LIN7A: variants seen among roughly 807,000 people sequenced by gnomAD.
LIN7A encodes the protein lin-7 cell polarity scaffold A.
Under a neutral mutation model 29.8 loss-of-function variants are expected in LIN7A, and 25 were observed. The ratio of observed to expected loss-of-function variants is 0.84; its 90% CI spans 0.61 to 1.17. The LOEUF is 1.17. Among genes scored for constraint, LIN7A ranks in the 50% most tolerant of loss-of-function variants. LIN7A has a pLI of 0.00. For missense variants in LIN7A, 239 were observed against 287.0 expected, an observed-to-expected ratio of 0.83 and a Z score of 1.21; for synonymous variants, 118 against 107.5, an observed-to-expected ratio of 1.10 and a Z score of -0.60.
Position 80,931,641 on chromosome 12 carries a change from G to GA in LIN7A, c.82+5999dup, listed in dbSNP as rs796841053. Among the ~76,000 whole-genome samples, 235 of 104,840 alleles carry GA rather than the reference G, an allele frequency of 2.2e-3. 1 individual carries two copies. The highest frequency in any genetic ancestry group is 6.1e-3 in the East Asian group (22 of 3,622). The allele number at this position is 104,840 out of a possible 152,430, so 68.8% of individuals were successfully genotyped here. ...CAACAGGGCAAGACTCTGTCAAAAAGAAAAAAAAAAAAAAAATGGAAAACT... is the reference window on the plus strand; with the variant it reads ...CAACAGGGCAAGACTCTGTCAAAAAGAAAAAAAAAAAAAAAAATGGAAAACT... On this transcript the variant is annotated intron_variant, in intron 1 of 5. Coordinates refer to ENST00000552864, the MANE Select transcript of LIN7A (RefSeq NM_004664.4).
intron 5 of LIN7A, among the ~76,000 whole-genome samples, chr12:80,810,282 G>A (rs768733296): frequency 1.5e-4 from 23 of 152,080 alleles, no homozygotes; most frequent in Admixed American, 6.6e-5. Context: ...TGTGGTATTT[G>A]TCTGCCCATG....
chr12:80,900,446 A>G (rs192774818), intron 1 of LIN7A, among the ~76,000 whole-genome samples: 87 of 152,312 alleles, frequency 5.7e-4, no homozygotes, highest in African/African-American at 2.1e-3. Context: ...GTGTCATAGA[A>G]ATTCTGGTAT....
chr12:80,874,621 G>A (rs908020559), intron 2 of LIN7A, among the ~76,000 whole-genome samples: 17 of 152,180 alleles, frequency 1.1e-4, no homozygotes, highest in Non-Finnish European at 2.1e-4. Context: ...GAACATATAT[G>A]AATAGGTATT....
chr12:80,871,544 CA>C (rs2120499271), intron 2 of LIN7A, among the ~76,000 whole-genome samples: 1 of 152,046 alleles, frequency 6.6e-6, no homozygotes, highest in African/African-American at 2.4e-5. Context: ...TTATGTATAT[CA>C]ATCCCAAACG....
chr12:80,879,645 CAAAA>C (rs530877505), intron 2 of LIN7A, among the ~76,000 whole-genome samples: 9 of 58,732 alleles, frequency 1.5e-4, no homozygotes, highest in African/African-American at 7.3e-4. Context: ...TGGAGCAGCC[CAAAA>C]AAAAAAAAAA....
chr12:80,812,830 C>T (rs947000992), intron 4 of LIN7A, among the ~76,000 whole-genome samples: 1 of 152,186 alleles, frequency 6.6e-6, no homozygotes, highest in East Asian at 1.9e-4. Context: ...GGAGTACAGG[C>T]ATGAGCCACC....
intron 2 of LIN7A, among the ~76,000 whole-genome samples, chr12:80,878,193 A>G (rs1366457639): frequency 6.6e-6 from 1 of 152,212 alleles, no homozygotes. Flanking sequence ...TCACTGACCC[A>G]TTAGTGCAAT....
chr12:80,899,279 C>G (rs1218053732), intron 1 of LIN7A, among the ~76,000 whole-genome samples: 1 of 152,124 alleles, frequency 6.6e-6, no homozygotes, highest in Admixed American at 6.5e-5. Flanking sequence ...TGGTGAATCA[C>G]ATTTATTGAT....
intron 4 of LIN7A, among the ~76,000 whole-genome samples, chr12:80,836,676 G>A (rs1872601330): frequency 6.6e-6 from 1 of 151,212 alleles, no homozygotes; most frequent in Admixed American, 6.6e-5. Flanking sequence ...AAATAAATAT[G>A]TATATATATA....
chr12:80,934,725 ATC>A (rs1878112459), intron 1 of LIN7A, among the ~76,000 whole-genome samples: 1 of 152,236 alleles, frequency 6.6e-6, no homozygotes, highest in African/African-American at 2.4e-5. Context: ...ACTTGAAAAT[ATC>A]TCTTATCATC....
intron 3 of LIN7A, 62 bp downstream of exon 3, chr12:80,848,189 G>T: frequency 1.7e-6 from 2 of 1,199,896 alleles, no homozygotes; most frequent in Non-Finnish European, 2.5e-6. Context: ...AAACACACAC[G>T]CGCACAATCA....
intron 2 of LIN7A, among the ~76,000 whole-genome samples, chr12:80,874,643 A>C (rs1395517723): frequency 2.6e-5 from 4 of 152,178 alleles, no homozygotes; most frequent in Non-Finnish European, 4.4e-5. Context: ...TGGAGATGGG[A>C]ATCATGGTGC....
chr12:80,807,063 G>GGTTTTTTTTGTTTTT (rs1555221327), intron 5 of LIN7A, among the ~76,000 whole-genome samples: 1 of 53,592 alleles, frequency 1.9e-5, no homozygotes, highest in Non-Finnish European at 3.5e-5. Context: ...TGAAGATGGA[G>GGTTTTTTTTGTTTTT]TTTTTTTTTT....
chr12:80,904,352 T>C (rs944516703), intron 1 of LIN7A, among the ~76,000 whole-genome samples: 1 of 152,158 alleles, frequency 6.6e-6, no homozygotes, highest in Non-Finnish European at 1.5e-5. Context: ...TCAAGAACAC[T>C]ATACAATGTT....
intron 1 of LIN7A, among the ~76,000 whole-genome samples, chr12:80,926,549 G>C (rs1877590961): frequency 6.6e-6 from 1 of 152,036 alleles, no homozygotes; most frequent in Admixed American, 6.5e-5. Context: ...TAATTACTTT[G>C]ACAGTTTCTA....
intron 2 of LIN7A, among the ~76,000 whole-genome samples, chr12:80,863,943 G>C (rs150566356): frequency 7.2e-4 from 109 of 152,028 alleles, no homozygotes; most frequent in African/African-American, 2.5e-3. Context: ...TGAAGAAAAG[G>C]CAGCACCAAA....
At chr12:80,861,233 G>T (rs946818113) in intron 2 of LIN7A, 2 of 152,298 alleles carry the variant, frequency 1.3e-5, no homozygotes, top group Admixed American at 1.3e-4. Flanking sequence ...CAACACTTTG[G>T]TGCCTGCCTC....
intron 2 of LIN7A, among the ~76,000 whole-genome samples, chr12:80,855,771 A>G (rs1020773388): frequency 2.6e-5 from 4 of 152,158 alleles, no homozygotes; most frequent in African/African-American, 9.7e-5. Flanking sequence ...TGATATGACT[A>G]GAATAAAATA....
At chr12:80,862,834 G>A (rs1873942953) in intron 2 of LIN7A, among the ~76,000 whole-genome samples, 2 of 152,164 alleles carry the variant, frequency 1.3e-5, no homozygotes, top group Non-Finnish European at 2.9e-5. Context: ...GAACTTGAGT[G>A]CATACATTAG....
Sources: gnomAD v4.1 joint callset for allele counts (sites outside exome capture counted in the v4.1 genomes callset) on GRCh38, gnomAD v4.1.1 for gene constraint, MANE v1.5 for transcripts, NCBI Gene and HGNC (gene_info 2026-07-23, HGNC 2026-07-21) for gene names.